The following ZNF599 variants were observed in gnomAD, a reference collection of about 807,000 sequenced individuals.
The protein encoded by ZNF599 is zinc finger protein 599.
In ZNF599, 10 loss-of-function variants were observed where a neutral mutation model predicts 11.7. The ratio of observed to expected loss-of-function variants is 0.86; its 90% CI spans 0.53 to 1.45. ZNF599 has a LOEUF of 1.45. Ranked by LOEUF, ZNF599 falls within the 40% of genes most tolerant of loss-of-function variation. The probability of loss-of-function intolerance (pLI) is 0.00; values close to 1 mark genes in which losing one functional copy is unlikely to be tolerated. For synonymous variants in ZNF599, 232 were observed against 253.2 expected (o/e 0.92, Z 0.79); for missense variants, 688 against 713.6 (o/e 0.96, Z 0.41).
At chr19:34,781,149 C>G in the ZNF599 span, among the ~76,000 whole-genome samples, 3 of 144,236 alleles carry the variant, frequency 2.1e-5, no homozygotes, top group African/African-American at 7.7e-5. Context: ...GAGCGAGACT[C>G]TGTCTCAAAA....
chr19:34,759,240 T>G lies in ZNF599; in HGVS notation c.1561A>C (p.Asn521His), dbSNP rs1188257447. Residue 521 changes from asparagine (N) to histidine (H), a missense_variant, in exon 4 of 4, where the codon AAT becomes CAT. Physicochemically the swap from Asn to His is moderately conservative, Grantham distance 68. Coordinates refer to ENST00000329285, the MANE Select transcript of ZNF599 (RefSeq NM_001007248.3). Reference sequence around the variant, plus strand: ...TGGATCCTATTATGCCGAACAAAATTTGCAGGTTGGGTAAAAGCCTTTCCA... The same window carrying G: ...TGGATCCTATTATGCCGAACAAAATGTGCAGGTTGGGTAAAAGCCTTTCCA... ...ECGKAFTQPA[N>H]FVRHNRIHTG... is the part of the protein sequence containing the mutation. 1.9e-6 allele frequency: 3 copies of G among 1,613,932 alleles called. No individual in the cohort carries two copies. In the African/African-American group the frequency reaches 4.0e-5, roughly 22 times the overall value.
the ZNF599 span, among the ~76,000 whole-genome samples, chr19:34,797,046 G>A: frequency 9.5e-5 from 14 of 147,684 alleles, 1 homozygote; most frequent in Non-Finnish European, 1.9e-4. Context: ...TCCCACCTAT[G>A]AGTGAGCACA....
In ZNF599 at chr19:34,758,949, A is replaced by G. The variant is rs1471290250; in HGVS notation, c.*85T>C. On this transcript the variant is annotated 3_prime_UTR_variant, in exon 4 of 4. Coordinates refer to ENST00000329285, the MANE Select transcript of ZNF599 (RefSeq NM_001007248.3). The stretch of plus-strand genomic sequence containing the variant: ...TCTCTCTGGCCAAAATATTTCCCTC[A>G]ATAGTTATACTCAAAAGGAAAGGTA... 2.2e-6 allele frequency: 3 copies of G among 1,388,510 alleles called. No homozygotes were observed. The highest frequency in any genetic ancestry group is 2.9e-6 in the Non-Finnish European group (3 of 1,018,486). 86.0% of individuals were successfully genotyped at this position (1,388,510 alleles called of 1,614,324 possible). A position where few individuals can be genotyped will look rare whatever the true frequency, so the allele number is the denominator to read the frequency against.
chr19:34,792,962 A>G, the ZNF599 span, among the ~76,000 whole-genome samples: 2 of 152,164 alleles, frequency 1.3e-5, no homozygotes, highest in African/African-American at 4.8e-5. Context: ...ATGTGAATCC[A>G]TACACATAAC....
chr19:34,772,805 T>C lies in ZNF599; in HGVS notation c.18+19A>G, dbSNP rs1200297809. ...GGCGGTGACCCGAGCTCGCGCGGGC[T>C]GCGGAACCCTCCACTCACCAACGCC... On this transcript the variant is annotated intron_variant, in intron 1 of 3. Transcript: ENST00000329285. 1.0e-5 allele frequency: 16 copies of C among 1,533,318 alleles called. No homozygotes were observed. The highest frequency in any genetic ancestry group is 1.2e-5 in the Non-Finnish European group (14 of 1,143,448). The allele number at this position is 1,533,318 out of a possible 1,614,324, so 95.0% of individuals were successfully genotyped here.
chr19:34,760,661 T>C lies in ZNF599; in HGVS notation c.242-102A>G, dbSNP rs2069107338. On this transcript the variant is annotated intron_variant, in intron 3 of 3. Transcript: ENST00000329285. ...AGAATGAAGGTGAAAACAGTGTCTC[T>C]GATGCCTACTGCATTTTTACATCTC... 5 of 1,011,874 alleles carry C rather than the reference T, an allele frequency of 4.9e-6. No homozygotes were observed. In the Admixed American group the frequency reaches 1.4e-4, roughly 29 times the overall value. 62.7% of individuals were successfully genotyped at this position (1,011,874 alleles called of 1,614,324 possible).
chr19:34,800,543 T>A, the ZNF599 span, among the ~76,000 whole-genome samples: 1 of 151,972 alleles, frequency 6.6e-6, no homozygotes, highest in African/African-American at 2.4e-5. Context: ...TTCGAAGGCA[T>A]TCATTTGTGT....
upstream of ZNF599, among the ~76,000 whole-genome samples, chr19:34,776,726 A>T (rs991359722): frequency 1.3e-5 from 2 of 152,234 alleles, no homozygotes; most frequent in Non-Finnish European, 2.9e-5. Flanking sequence ...CCAGTGGTAG[A>T]AGAAAACAGT....
In ZNF599 at chr19:34,760,099, T is replaced by C. The variant is rs767677382; in HGVS notation, c.702A>G (p.Lys234=). 1.9e-6 allele frequency: 3 copies of C among 1,614,070 alleles called. No homozygotes were observed. The South Asian group carries it at 3.3e-5, about 18-fold the overall frequency. The stretch of plus-strand genomic sequence containing the variant: ...TGACATCAGCCATATAACGACAGGC[T>C]TTCCCACACTCATTGCACTCATAGG... The part of the protein sequence containing the change: ...VKPYECNECG[K]ACRYMADVIR... The change falls in exon 4 of 4, where the codon AAA becomes AAG. Residue 234 remains lysine, a synonymous_variant. Coordinates refer to ENST00000329285, the MANE Select transcript of ZNF599 (RefSeq NM_001007248.3).
the ZNF599 span, among the ~76,000 whole-genome samples, chr19:34,780,961 C>T: frequency 4.1e-4 from 63 of 152,104 alleles, no homozygotes; most frequent in African/African-American, 1.4e-3. Context: ...TCGAGACCAT[C>T]GTGGCTAACA....
At chr19:34,805,548 A>AT in the ZNF599 span, among the ~76,000 whole-genome samples, 1 of 151,940 alleles carries the variant, frequency 6.6e-6, no homozygotes, top group Non-Finnish European at 1.5e-5. Context: ...ATTCAGCCCT[A>AT]TTTTTAAAAA....
the ZNF599 span, among the ~76,000 whole-genome samples, chr19:34,783,007 T>C: frequency 6.6e-6 from 1 of 152,198 alleles, no homozygotes; most frequent in Non-Finnish European, 1.5e-5. Flanking sequence ...CTGGTGACAC[T>C]GGTGTTCACT....
At chr19:34,762,429 A>G (rs1463477371) in intron 3 of ZNF599, among the ~76,000 whole-genome samples, 5 of 152,238 alleles carry the variant, frequency 3.3e-5, no homozygotes, top group Non-Finnish European at 5.9e-5. Flanking sequence ...ACAACAGAGC[A>G]TTATCTAGTA....
At chr19:34,799,608 G>A in the ZNF599 span, among the ~76,000 whole-genome samples, 4 of 152,106 alleles carry the variant, frequency 2.6e-5, no homozygotes, top group South Asian at 8.3e-4. Flanking sequence ...TTGGAGAAAG[G>A]GCCTTTAAGG....
At position 34,759,413 on chromosome 19, in the gene ZNF599, T is replaced by C. The variant is rs778717210; in HGVS notation, c.1388A>G (p.His463Arg). The C allele has an allele frequency of 1.2e-6, 2 of 1,613,828 alleles. No individual in the cohort carries two copies. The highest frequency in any genetic ancestry group is 1.7e-6 in the Non-Finnish European group (2 of 1,179,904). ...CCTATTATGTCGAATAAAAACAGAG[T>C]GGTGTGTAAAAGCCTTTCCACATTC... is the stretch of plus-strand genomic sequence containing the variant. ...CSECGKAFTH[H>R]SVFIRHNRTH... Residue 463 changes from histidine to arginine, a missense_variant, in exon 4 of 4, where the codon CAC becomes CGC. Transcript: ENST00000329285.
intron 3 of ZNF599, among the ~76,000 whole-genome samples, chr19:34,762,432 A>G (rs962827831): frequency 1.3e-5 from 2 of 152,216 alleles, no homozygotes; most frequent in African/African-American, 4.8e-5. Context: ...ACAGAGCATT[A>G]TCTAGTAAAA....
Position 34,760,312 on chromosome 19 carries a change from C to T in ZNF599, c.489G>A (p.Leu163=), listed in dbSNP as rs1291280047. 1 of 1,614,154 alleles carries T rather than the reference C, an allele frequency of 6.2e-7. No homozygotes were observed. Among genetic ancestry groups the T allele is most frequent in the Admixed American group, 1.7e-5 (1 of 60,028 alleles). Residue 163 remains leucine (L), a synonymous_variant, in exon 4 of 4, where the codon CTG becomes CTA. Transcript: ENST00000329285. ...KHDDLEPDDS[L]GLRVLQERVT... ...CTCGTTCCTGTAAAACCCTTAAGCC[C>T]AGACTATCATCTGGCTCCAAATCAT...
At chr19:34,802,599 C>T in the ZNF599 span, among the ~76,000 whole-genome samples, 1 of 151,956 alleles carries the variant, frequency 6.6e-6, no homozygotes, top group Non-Finnish European at 1.5e-5. Flanking sequence ...GGGGATTAGC[C>T]CTGGGACAAA....
In ZNF599 at chr19:34,760,395, T is replaced by C; in HGVS notation, c.406A>G (p.Arg136Gly). Residue 136 changes from arginine (R) to glycine (G), a missense_variant, in exon 4 of 4, where the codon AGG becomes GGG. Physicochemically the swap from Arg to Gly is moderately radical, Grantham distance 125. Transcript: ENST00000329285. ...KLIKIQEGNL[R>G]PGTNPHKEIC... The stretch of plus-strand genomic sequence containing the variant: ...TCTTTGTGGGGGTTTGTTCCTGGCC[T>C]CAAGTTCCCTTCCTGAATTTTTATT... The C allele has an allele frequency of 6.2e-7, 1 of 1,614,190 alleles. No individual in the cohort carries two copies. The highest frequency in any genetic ancestry group is 1.3e-5 in the African/African-American group (1 of 75,052).
Sources: allele counts gnomAD v4.1 joint callset (sites outside exome capture counted in the v4.1 genomes callset), GRCh38; gene constraint gnomAD v4.1.1; transcripts MANE v1.5; gene names NCBI Gene and HGNC (gene_info 2026-07-23, HGNC 2026-07-21).